Variants in CR1 observed in about 807,000 individuals in gnomAD.
CR1 encodes the protein complement receptor type 1.
CR1 carries 116 observed loss-of-function variants against 187.3 expected under a neutral mutation model. That is an observed-to-expected ratio of 0.62 (90% CI 0.53 to 0.72). The LOEUF is 0.72. Among genes scored for constraint, CR1 ranks in the 30% least tolerant of loss-of-function variants. CR1 has a pLI of 0.00. For missense variants in CR1, 1,731 were observed against 2,110.7 expected, an observed-to-expected ratio of 0.82 and a Z score of 3.52; for synonymous variants, 576 against 747.1, an observed-to-expected ratio of 0.77 and a Z score of 3.73.
chr1:207,583,958 A>G (rs759074937), intron 32 of CR1, among the ~76,000 whole-genome samples: 1 of 152,160 alleles, frequency 6.6e-6, no homozygotes, highest in East Asian at 1.9e-4. Context: ...AGTGTCCCCA[A>G]ATAGAGGCAT....
intron 32 of CR1, among the ~76,000 whole-genome samples, chr1:207,582,544 A>G (rs2102346511): frequency 6.6e-6 from 1 of 152,354 alleles, no homozygotes; most frequent in Non-Finnish European, 1.5e-5. Flanking sequence ...TATTAAGAAA[A>G]TGCTCTTAAT....
At chr1:207,586,483 C>T (rs1242930144) in intron 33 of CR1, among the ~76,000 whole-genome samples, 1 of 152,180 alleles carries the variant, frequency 6.6e-6, no homozygotes, top group Non-Finnish European at 1.5e-5. Context: ...AGAAGAAAAA[C>T]ACTGTATTAG....
At position 207,498,052 on chromosome 1, in the gene CR1, T is replaced by C. The variant is rs571968730; in HGVS notation, c.121+1664T>C. On this transcript the variant is annotated intron_variant, in intron 1 of 46. Transcript: ENST00000367049. ...GCGTTCTGCTTTTTCCAGCCTCTGC[T>C]ACTTACCAGCTGGTGTCTTGGACCC... is the stretch of plus-strand genomic sequence containing the variant. Among the ~76,000 whole-genome samples the C allele has an allele frequency of 3.9e-5, 6 of 152,366 alleles. No individual in the cohort carries two copies. The East Asian group carries it at 1.2e-3, about 29-fold the overall frequency.
intron 35 of CR1, among the ~76,000 whole-genome samples, chr1:207,592,942 G>A (rs567658347): frequency 2.0e-5 from 3 of 152,120 alleles, no homozygotes; most frequent in African/African-American, 4.8e-5. Context: ...GGAAGTAAGC[G>A]AGGACACAAA....
At chr1:207,595,707 T>C (rs1444999916) in intron 35 of CR1, among the ~76,000 whole-genome samples, 1 of 150,846 alleles carries the variant, frequency 6.6e-6, no homozygotes, top group Non-Finnish European at 1.5e-5. Flanking sequence ...CCCACAAAGC[T>C]GTGGGAGTTT....
intron 28 of CR1, among the ~76,000 whole-genome samples, chr1:207,576,456 T>A (rs1314607518): frequency 6.6e-6 from 1 of 152,204 alleles, no homozygotes; most frequent in African/African-American, 2.4e-5. Flanking sequence ...TTATTATATG[T>A]AATATTGTAT....
intron 45 of CR1, among the ~76,000 whole-genome samples, chr1:207,629,522 T>A (rs1558280950): frequency 6.6e-6 from 1 of 152,192 alleles, no homozygotes; most frequent in East Asian, 1.9e-4. Flanking sequence ...GCCTTCCCTG[T>A]CCTGTGAAAA....
chr1:207,620,575 A>G (rs745328050), intron 43 of CR1, among the ~76,000 whole-genome samples: 6 of 152,222 alleles, frequency 3.9e-5, no homozygotes, highest in Non-Finnish European at 7.3e-5. Flanking sequence ...AGCAAAGTTA[A>G]TAATGAACAG....
chr1:207,566,635 C>G (rs1365475689), intron 24 of CR1, among the ~76,000 whole-genome samples: 4 of 150,024 alleles, frequency 2.7e-5, no homozygotes, highest in African/African-American at 5.1e-5. Flanking sequence ...TTTGAGACTC[C>G]TTAAATTCTC....
intron 4 of CR1, among the ~76,000 whole-genome samples, chr1:207,514,681 T>A (rs991107003): frequency 6.6e-6 from 1 of 152,162 alleles, no homozygotes; most frequent in Middle Eastern, 3.2e-3. Flanking sequence ...GCACCGCCAA[T>A]TAATTCTAGA....
rs758242976 is a variant in CR1, at chr1:207,639,627, G to A, written c.*218G>A. The A allele has an allele frequency of 9.1e-5, 47 of 515,836 alleles. No individual in the cohort carries two copies. Among genetic ancestry groups the A allele is most frequent in the Non-Finnish European group, 1.3e-4 (38 of 288,960 alleles). The allele number at this position is 515,836 out of a possible 1,614,324, so 32.0% of individuals were successfully genotyped here. A position where few individuals can be genotyped will look rare whatever the true frequency, so the allele number is the denominator to read the frequency against. ...TGTGAAACCCCCACCCTTCTGCCTC[G>A]TGCTAAACGCACACAGTATCTAGTC... On this transcript the variant is annotated 3_prime_UTR_variant, in exon 47 of 47. Coordinates refer to ENST00000367049, the MANE Select transcript of CR1 (RefSeq NM_000651.6).
At chr1:207,564,672 G>A (rs1394028270) in intron 23 of CR1, among the ~76,000 whole-genome samples, 6 of 149,946 alleles carry the variant, frequency 4.0e-5, no homozygotes, top group Non-Finnish European at 8.8e-5. Flanking sequence ...TTGGTGGCAT[G>A]TGCCTGTAAT....
intron 1 of CR1, among the ~76,000 whole-genome samples, chr1:207,498,008 TC>T (rs1226605075): frequency 1.3e-5 from 2 of 152,196 alleles, no homozygotes; most frequent in African/African-American, 2.4e-5. Context: ...TTTTATGAAA[TC>T]TACTTATTAG....
intron 4 of CR1, among the ~76,000 whole-genome samples, chr1:207,513,740 C>CTCCG (rs1659695061): frequency 9.8e-6 from 1 of 102,018 alleles, no homozygotes; most frequent in Non-Finnish European, 2.0e-5. Flanking sequence ...CCTTTCCTCC[C>CTCCG]TCCCTCCCTC....
chr1:207,624,492 G>A (rs1662421664), intron 45 of CR1, among the ~76,000 whole-genome samples: 1 of 152,106 alleles, frequency 6.6e-6, no homozygotes, highest in African/African-American at 2.4e-5. Flanking sequence ...CCTACAACAA[G>A]CTTTACAGAA....
chr1:207,634,247 T>C (rs933027454), intron 46 of CR1, among the ~76,000 whole-genome samples: 1 of 152,196 alleles, frequency 6.6e-6, no homozygotes, highest in African/African-American at 2.4e-5. Context: ...TTGGAAATAC[T>C]CTTACATCAA....
intron 28 of CR1, among the ~76,000 whole-genome samples, chr1:207,577,146 G>T (rs1660773880): frequency 6.6e-6 from 1 of 151,986 alleles, no homozygotes; most frequent in South Asian, 2.1e-4. Flanking sequence ...AGCTACTCAG[G>T]AGGCTGAGGC....
chr1:207,506,819 T>A lies in CR1; in HGVS notation c.401+6T>A, dbSNP rs187655279. On this transcript the variant is annotated splice_donor_region_variant and intron_variant, in intron 3 of 46. Transcript: ENST00000367049. ...AAATATTCTTGTACTAAAGGGTGAG[T>A]TGGCATCTCTTGAACCAACATCTCT... 1 of 1,606,082 alleles carries A rather than the reference T, an allele frequency of 6.2e-7. No homozygotes were observed. Among genetic ancestry groups the A allele is most frequent in the South Asian group, 1.1e-5 (1 of 90,620 alleles).
intron 4 of CR1, among the ~76,000 whole-genome samples, chr1:207,521,228 C>T (rs1460156716): frequency 2.6e-5 from 4 of 152,032 alleles, no homozygotes; most frequent in South Asian, 4.2e-4. Flanking sequence ...CTGCCCACCT[C>T]GGCCTCCCAA....
Sources: gnomAD v4.1 joint callset for allele counts (sites outside exome capture counted in the v4.1 genomes callset) on GRCh38, gnomAD v4.1.1 for gene constraint, MANE v1.5 for transcripts, NCBI Gene and HGNC (gene_info 2026-07-23, HGNC 2026-07-21) for gene names.